The following L3MBTL4 variants were observed in gnomAD, a reference collection of about 807,000 sequenced individuals.
The protein encoded by L3MBTL4 is lethal(3)malignant brain tumor-like protein 4.
Under a neutral mutation model 84.5 loss-of-function variants are expected in L3MBTL4, and 70 were observed. The ratio of observed to expected loss-of-function variants is 0.83; its 90% CI spans 0.68 to 1.01. The LOEUF (loss-of-function observed/expected upper bound fraction) is 1.01. Among genes scored for constraint, L3MBTL4 ranks in the 50% least tolerant of loss-of-function variants. L3MBTL4 has a pLI of 0.00. For synonymous variants in L3MBTL4, 274 were observed against 259.8 expected (o/e 1.05, Z -0.52); for missense variants, 715 against 754.8 (o/e 0.95, Z 0.62).
rs191937764 is a variant in L3MBTL4, at chr18:6,062,701, A to T, written c.1444+18180T>A. Among the ~76,000 whole-genome samples the T allele has an allele frequency of 8.9e-4, 134 of 151,362 alleles. 1 individual carries two copies. The highest frequency in any genetic ancestry group is 2.8e-3 in the African/African-American group (116 of 41,252). On this transcript the variant is annotated intron_variant, in intron 16 of 18. Transcript: ENST00000317931. The stretch of plus-strand genomic sequence containing the variant: ...TCTTTTTTTTCTCTTTGCTTTTTAG[A>T]TTGGGAAGTTCTACGGACACAGCTT...
At chr18:6,223,288 G>A (rs1259489870) in intron 10 of L3MBTL4, among the ~76,000 whole-genome samples, 1 of 152,042 alleles carries the variant, frequency 6.6e-6, no homozygotes, top group Non-Finnish European at 1.5e-5. Context: ...TTTTAGCTGT[G>A]TTCCCTTCTA....
intron 16 of L3MBTL4, among the ~76,000 whole-genome samples, chr18:6,056,889 A>C (rs1784816): frequency 0.56 from 84,914 of 152,106 alleles, 26,102 homozygotes; most frequent in African/African-American, 0.81. Flanking sequence ...TTCAGAGGAA[A>C]AATGGGACAG....
intron 16 of L3MBTL4, among the ~76,000 whole-genome samples, chr18:6,053,708 A>C (rs1568039166): frequency 6.6e-6 from 1 of 152,178 alleles, no homozygotes; most frequent in Non-Finnish European, 1.5e-5. Flanking sequence ...CCTATGGTCC[A>C]CTGCAGCATG....
At chr18:6,032,283 TAAAAAAA>T in intron 16 of L3MBTL4, 1 of 914,988 alleles carries the variant, frequency 1.1e-6, no homozygotes, top group Non-Finnish European at 1.3e-6. Flanking sequence ...GGCCTTAAAT[TAAAAAAA>T]AAAAAAAAAG....
At chr18:6,333,530 G>A (rs559553124) in intron 1 of L3MBTL4, among the ~76,000 whole-genome samples, 260 of 150,282 alleles carry the variant, frequency 1.7e-3, no homozygotes, top group Middle Eastern at 0.01. Context: ...AGCCAAGATC[G>A]CGCCACTGCA....
intron 16 of L3MBTL4, among the ~76,000 whole-genome samples, chr18:6,071,805 A>AAAGAAAGAAAG (rs1568067053): frequency 1.7e-5 from 2 of 119,918 alleles, no homozygotes; most frequent in Non-Finnish European, 3.3e-5. Flanking sequence ...AAGAAAGAAA[A>AAAGAAAGAAAG]AGAAAGAAAG....
chr18:6,179,784 C>T (rs1377933182), intron 12 of L3MBTL4, among the ~76,000 whole-genome samples: 2 of 152,194 alleles, frequency 1.3e-5, no homozygotes, highest in Non-Finnish European at 2.9e-5. Context: ...CATGCCACCA[C>T]ACCACACCAC....
chr18:5,999,132 G>T (rs2054108819), intron 16 of L3MBTL4, among the ~76,000 whole-genome samples: 1 of 152,168 alleles, frequency 6.6e-6, no homozygotes, highest in Non-Finnish European at 1.5e-5. Flanking sequence ...TGTGTCTCTG[G>T]TGTAGTGCAG....
chr18:6,196,638 C>T (rs1000955252), intron 12 of L3MBTL4, among the ~76,000 whole-genome samples: 13 of 152,272 alleles, frequency 8.5e-5, no homozygotes, highest in Middle Eastern at 3.4e-3. Context: ...ATGTCCAAAG[C>T]CTTTTAACTA....
At chr18:6,326,511 ATCT>A (rs2051726782) in intron 1 of L3MBTL4, 1 of 152,144 alleles carries the variant, frequency 6.6e-6, no homozygotes, top group African/African-American at 2.4e-5. Context: ...CCAATCTTAG[ATCT>A]TCTTCCTGCA....
intron 16 of L3MBTL4, among the ~76,000 whole-genome samples, chr18:6,021,732 C>T (rs12957492): frequency 0.5 from 76,416 of 151,906 alleles, 20,969 homozygotes; most frequent in Non-Finnish European, 0.65. Context: ...CATTGCATGG[C>T]GCACCTCTGG....
intron 17 of L3MBTL4, among the ~76,000 whole-genome samples, chr18:5,963,731 T>A (rs1346747249): frequency 6.6e-6 from 1 of 152,270 alleles, no homozygotes; most frequent in Non-Finnish European, 1.5e-5. Context: ...TTTTGAGCTT[T>A]CATAGAAAGT....
At chr18:6,056,921 G>C (rs903267195) in intron 16 of L3MBTL4, among the ~76,000 whole-genome samples, 1 of 152,126 alleles carries the variant, frequency 6.6e-6, no homozygotes, top group Non-Finnish European at 1.5e-5. Flanking sequence ...ATTTATAAAT[G>C]AAAACTGCTA....
chr18:6,332,246 A>G (rs975689843), intron 1 of L3MBTL4, among the ~76,000 whole-genome samples: 2 of 152,240 alleles, frequency 1.3e-5, no homozygotes, highest in East Asian at 3.8e-4. Context: ...AATCTAATTA[A>G]GACTCACTAC....
At chr18:6,387,545 T>C (rs2054874990) in intron 1 of L3MBTL4, among the ~76,000 whole-genome samples, 1 of 152,216 alleles carries the variant, frequency 6.6e-6, no homozygotes, top group African/African-American at 2.4e-5. Flanking sequence ...ATGGAAGAGT[T>C]TGAGATGTTC....
intron 12 of L3MBTL4, among the ~76,000 whole-genome samples, chr18:6,204,592 T>C (rs1277462860): frequency 6.6e-6 from 1 of 152,248 alleles, no homozygotes; most frequent in East Asian, 1.9e-4. Context: ...GTCTCTTTTG[T>C]CTCTACATGA....
intron 10 of L3MBTL4, among the ~76,000 whole-genome samples, chr18:6,225,241 C>T (rs146603974): frequency 8.5e-4 from 130 of 152,298 alleles, no homozygotes; most frequent in African/African-American, 3.0e-3. Context: ...TGTAGCAGAG[C>T]ATACGAGGAA....
At chr18:6,394,434 C>T (rs770575126) in intron 1 of L3MBTL4, among the ~76,000 whole-genome samples, 2 of 152,020 alleles carry the variant, frequency 1.3e-5, no homozygotes, top group Non-Finnish European at 2.9e-5. Context: ...TGCCACTGCA[C>T]TCCAGCCTGG....
chr18:6,095,815 A>T (rs561661598), intron 14 of L3MBTL4, among the ~76,000 whole-genome samples: 4 of 152,300 alleles, frequency 2.6e-5, no homozygotes, highest in Admixed American at 1.3e-4. Flanking sequence ...GAGTCCTGGG[A>T]TGAAGCACTA....
Sources: gnomAD v4.1 joint callset for allele counts (sites outside exome capture counted in the v4.1 genomes callset) on GRCh38, gnomAD v4.1.1 for gene constraint, MANE v1.5 for transcripts, NCBI Gene and HGNC (gene_info 2026-07-23, HGNC 2026-07-21) for gene names.